Variants in GALNT9 observed in about 807,000 individuals in gnomAD.
GALNT9 encodes polypeptide N-acetylgalactosaminyltransferase 9.
Under a neutral mutation model 63.1 loss-of-function variants are expected in GALNT9, and 47 were observed. The ratio of observed to expected loss-of-function variants is 0.75; its 90% CI spans 0.59 to 0.95. The LOEUF (loss-of-function observed/expected upper bound fraction) is 0.95. GALNT9 is among the 40% of genes least tolerant of loss of function. The probability of loss-of-function intolerance (pLI) is 0.00; values close to 1 mark genes in which losing one functional copy is unlikely to be tolerated. For synonymous variants in GALNT9, 396 were observed against 365.7 expected (o/e 1.08, Z -0.94); for missense variants, 829 against 874.8 (o/e 0.95, Z 0.66).
At chr12:132,313,517 TCCA>T (rs1881894553) in intron 1 of GALNT9, among the ~76,000 whole-genome samples, 1 of 45,264 alleles carries the variant, frequency 2.2e-5, no homozygotes, top group Non-Finnish European at 4.1e-5. Context: ...CACCCACCCA[TCCA>T]CTTACCCACC....
At chr12:132,318,266 G>T (rs532034094) in intron 1 of GALNT9, among the ~76,000 whole-genome samples, 1 of 152,250 alleles carries the variant, frequency 6.6e-6, no homozygotes, top group Non-Finnish European at 1.5e-5. Context: ...CCAGGCAAGC[G>T]TGGGCGGCAG....
intron 1 of GALNT9, among the ~76,000 whole-genome samples, chr12:132,322,160 T>G (rs1158635986): frequency 6.6e-6 from 1 of 152,210 alleles, no homozygotes; most frequent in Admixed American, 6.5e-5. Context: ...GGACGTGAGC[T>G]TCCGGGCGGG....
intron 1 of GALNT9, among the ~76,000 whole-genome samples, chr12:132,305,632 C>G (rs1393157084): frequency 6.6e-6 from 1 of 151,914 alleles, no homozygotes; most frequent in Non-Finnish European, 1.5e-5. Context: ...CGGGCACACC[C>G]TCACCCGGAC....
chr12:132,225,253 A>G (rs1877605811), intron 6 of GALNT9, among the ~76,000 whole-genome samples: 1 of 122,010 alleles, frequency 8.2e-6, no homozygotes, highest in South Asian at 2.7e-4. Context: ...CTATACTTAT[A>G]CACCCCCCAC....
rs1411538019 is a variant in GALNT9, at chr12:132,198,872, A to G, written c.1497+302T>C. The stretch of plus-strand genomic sequence containing the variant: ...TCGCCACGCTGCCCAGACTGGTCTC[A>G]ATTCCTGGGCTTAAGTGATCTGTCT... On this transcript the variant is annotated intron_variant, in intron 9 of 10. Transcript: ENST00000328957. 3.9e-5 allele frequency among the ~76,000 whole-genome samples: 6 copies of G among 152,122 alleles called. 1 individual carries two copies. The highest frequency in any genetic ancestry group is 8.8e-5 in the Non-Finnish European group (6 of 68,026).
Position 132,252,705 on chromosome 12 carries a change from C to G in GALNT9, c.960-4678G>C, listed in dbSNP as rs1456842702. Among the ~76,000 whole-genome samples, 1 of 152,018 alleles carries G rather than the reference C, an allele frequency of 6.6e-6. No homozygotes were observed. The highest frequency in any genetic ancestry group is 6.6e-5 in the Admixed American group (1 of 15,260). On this transcript the variant is annotated intron_variant, in intron 5 of 10. Coordinates refer to ENST00000328957, the MANE Select transcript of GALNT9 (RefSeq NM_001122636.2). This position sits in a 1 kb window ranked among gnomAD's most constrained non-coding sequence, Gnocchi z 5.2. ...ACCAGCCTGACCAACATGGAGAAAC[C>G]CCGTCTCTACTAAAAATACCAAAAA...
rs1319434132 is a variant in GALNT9 at position 132,246,012 on chromosome 12, C to A, written c.1077+1898G>T. Among the ~76,000 whole-genome samples the A allele has an allele frequency of 1.3e-5, 2 of 152,356 alleles. No homozygotes were observed. The highest frequency in any genetic ancestry group is 1.9e-4 in the East Asian group (1 of 5,176). On this transcript the variant is annotated intron_variant, in intron 6 of 10. Coordinates refer to ENST00000328957, the MANE Select transcript of GALNT9 (RefSeq NM_001122636.2). This position sits in a 1 kb window ranked among gnomAD's most constrained non-coding sequence, Gnocchi z 4.7. ...GGCTGTCCTCCTCGTCTCTGCGGTG[C>A]GTTCCATCCCTCTGAGGGCCTCGGC...
At chr12:132,276,843 G>C (rs1287173351) in intron 2 of GALNT9, among the ~76,000 whole-genome samples, 6 of 152,322 alleles carry the variant, frequency 3.9e-5, no homozygotes, top group Admixed American at 3.9e-4. Context: ...AATGGAGAAA[G>C]TGGTGAGGAG....
At chr12:132,313,383 A>G (rs1881887027) in intron 1 of GALNT9, among the ~76,000 whole-genome samples, 1 of 144,584 alleles carries the variant, frequency 6.9e-6, no homozygotes, top group African/African-American at 2.6e-5. Context: ...CCATCCACTC[A>G]CTCACTCACC....
At chr12:132,304,375 G>A (rs1313115655) in intron 1 of GALNT9, among the ~76,000 whole-genome samples, 339 of 59,406 alleles carry the variant, frequency 5.7e-3, no homozygotes, top group East Asian at 0.019. Context: ...AGCCTCACCC[G>A]GGCACACCCT....
chr12:132,240,099 G>T (rs1442879292), intron 6 of GALNT9, among the ~76,000 whole-genome samples: 1 of 152,196 alleles, frequency 6.6e-6, no homozygotes, highest in Non-Finnish European at 1.5e-5. Flanking sequence ...GGCCTATCAG[G>T]ATGTGTGGTC....
At chr12:132,199,383 A>G in intron 8 of GALNT9, 114 bp from the exon 9 acceptor site, 1 of 735,524 alleles carries the variant, frequency 1.4e-6, no homozygotes, top group South Asian at 1.7e-5. Flanking sequence ...CGGGAGGAGG[A>G]GGGGGCGTGT....
chr12:132,250,140 C>T (rs1168178275), intron 5 of GALNT9, among the ~76,000 whole-genome samples: 1 of 152,210 alleles, frequency 6.6e-6, no homozygotes, highest in East Asian at 1.9e-4. Context: ...CAGCCTGCGA[C>T]GTGGAGGAAC....
chr12:132,304,281 G>A (rs372487219), intron 1 of GALNT9, among the ~76,000 whole-genome samples: 627 of 43,318 alleles, frequency 0.014, no homozygotes, highest in East Asian at 0.041. Flanking sequence ...CCTCGCCCGG[G>A]CACACCCTCG....
chr12:132,300,527 C>A (rs961832611), intron 1 of GALNT9, among the ~76,000 whole-genome samples: 1 of 139,954 alleles, frequency 7.1e-6, no homozygotes, highest in Non-Finnish European at 1.5e-5. Context: ...CCAAGCCACT[C>A]CTGAGATAAC....
chr12:132,289,153 T>G (rs1390777179), intron 1 of GALNT9, among the ~76,000 whole-genome samples: 3 of 152,232 alleles, frequency 2.0e-5, no homozygotes, highest in Non-Finnish European at 4.4e-5. Context: ...GTTTGCTCTG[T>G]TAATGATGTG....
chr12:132,324,692 T>G (rs533052543), intron 1 of GALNT9, among the ~76,000 whole-genome samples: 1 of 152,094 alleles, frequency 6.6e-6, no homozygotes, highest in Non-Finnish European at 1.5e-5. Context: ...TGCAGCCGGG[T>G]GCAAGGCAAG....
Position 132,282,854 on chromosome 12 carries a change from C to T in GALNT9, c.419+3396G>A. The T allele has an allele frequency of 6.6e-6, 1 of 152,536 alleles. No homozygotes were observed. Among genetic ancestry groups the T allele is most frequent in the Non-Finnish European group, 1.5e-5 (1 of 68,250 alleles). The allele number at this position is 152,536 out of a possible 1,614,324, so 9.4% of individuals were successfully genotyped here. A position where few individuals can be genotyped will look rare whatever the true frequency, so the allele number is the denominator to read the frequency against. On this transcript the variant is annotated intron_variant, in intron 2 of 10. Transcript: ENST00000328957. The surrounding 1 kb of genome is among the most constrained non-coding windows in gnomAD (Gnocchi z 4.5). ...GGGGGGTGTGGACTTCCATCTGGAG[C>T]CGGGACAGGACCTCAGGAGGCAAAT...
At chr12:132,219,611 T>C (rs1243974307) in intron 6 of GALNT9, among the ~76,000 whole-genome samples, 2 of 152,034 alleles carry the variant, frequency 1.3e-5, no homozygotes, top group Non-Finnish European at 2.9e-5. Flanking sequence ...CCCCTGGGGC[T>C]GCCGCCAGAA....
Sources: gnomAD v4.1 joint callset for allele counts (sites outside exome capture counted in the v4.1 genomes callset) on GRCh38, gnomAD v4.1.1 for gene constraint, Gnocchi (gnomAD v3.1) non-coding constraint, MANE v1.5 for transcripts, NCBI Gene and HGNC (gene_info 2026-07-23, HGNC 2026-07-21) for gene names.